Variants in NPSR1 observed in about 807,000 individuals in gnomAD.
The protein encoded by NPSR1 is neuropeptide S receptor 1.
A neutral mutation model predicts 46.9 loss-of-function variants in NPSR1; 48 were observed. The observed-to-expected ratio is 1.02, with a 90% CI of 0.81 to 1.30. The LOEUF (loss-of-function observed/expected upper bound fraction) is 1.30, where lower values mean the gene tolerates loss of function less well. Ranked by LOEUF, NPSR1 falls within the 50% of genes most tolerant of loss-of-function variation. The probability of loss-of-function intolerance (pLI) is 0.00; values close to 1 mark genes in which losing one functional copy is unlikely to be tolerated. For missense variants in NPSR1, 450 were observed against 449.5 expected (o/e 1.00, Z -0.01); for synonymous variants, 176 against 168.1 (o/e 1.05, Z -0.36).
chr7:34,731,493 AC>A (rs1189539097), intron 2 of NPSR1, among the ~76,000 whole-genome samples: 3 of 148,680 alleles, frequency 2.0e-5, no homozygotes, highest in Non-Finnish European at 4.6e-5. Context: ...ATTTAAAAGT[AC>A]CCCTGGGTTA....
intron 3 of NPSR1, among the ~76,000 whole-genome samples, chr7:34,801,813 GCCCC>G: frequency 6.8e-6 from 1 of 146,732 alleles, no homozygotes; most frequent in Non-Finnish European, 1.5e-5. Context: ...TGTATATCTA[GCCCC>G]ATCATCTCAG....
intron 6 of NPSR1, among the ~76,000 whole-genome samples, chr7:34,838,520 A>T (rs1790455670): frequency 6.6e-6 from 1 of 152,116 alleles, no homozygotes. Context: ...TTGGCAGGTA[A>T]ATCGGATCTC....
chr7:34,801,744 A>C (rs1367716418), intron 3 of NPSR1, among the ~76,000 whole-genome samples: 1 of 148,382 alleles, frequency 6.7e-6, no homozygotes, highest in African/African-American at 2.6e-5. Context: ...GAAGGAAATA[A>C]AGAGTATTCA....
At chr7:34,706,608 T>C (rs979829536) in intron 2 of NPSR1, among the ~76,000 whole-genome samples, 1 of 152,194 alleles carries the variant, frequency 6.6e-6, no homozygotes, top group Non-Finnish European at 1.5e-5. Flanking sequence ...TTCTGTCAGC[T>C]TCTTGGTGTT....
chr7:34,829,617 C>T (rs1385276812), intron 5 of NPSR1, among the ~76,000 whole-genome samples: 1 of 152,146 alleles, frequency 6.6e-6, no homozygotes, highest in Non-Finnish European at 1.5e-5. Context: ...GTCAAAGTCC[C>T]CGCTCAGCAG....
intron 2 of NPSR1, chr7:34,761,273 C>G (rs1407274144): frequency 6.6e-6 from 1 of 152,316 alleles, no homozygotes; most frequent in Non-Finnish European, 1.5e-5. Context: ...TCTGGCAGCT[C>G]AGGAATCCTT....
intron 5 of NPSR1, among the ~76,000 whole-genome samples, chr7:34,828,453 G>A (rs1008414615): frequency 6.6e-6 from 1 of 152,234 alleles, no homozygotes; most frequent in Non-Finnish European, 1.5e-5. Flanking sequence ...GGTCAAGGTA[G>A]GGTCTCACTT....
intron 3 of NPSR1, among the ~76,000 whole-genome samples, chr7:34,788,201 C>A (rs544370328): frequency 6.6e-6 from 1 of 151,854 alleles, no homozygotes; most frequent in Non-Finnish European, 1.5e-5. Context: ...ATTTTAAAAT[C>A]GCTCGTTATA....
chr7:34,814,048 T>C (rs1444988007), intron 4 of NPSR1, among the ~76,000 whole-genome samples: 2 of 152,212 alleles, frequency 1.3e-5, no homozygotes, highest in Non-Finnish European at 2.9e-5. Context: ...TTCATCTCAC[T>C]GGGACTGGTT....
At chr7:34,759,361 C>T (rs1786041105) in intron 2 of NPSR1, among the ~76,000 whole-genome samples, 1 of 152,136 alleles carries the variant, frequency 6.6e-6, no homozygotes, top group Non-Finnish European at 1.5e-5. Context: ...TCCCTTCTCT[C>T]CCATTTTTAA....
intron 6 of NPSR1, among the ~76,000 whole-genome samples, chr7:34,844,283 A>G (rs540929619): frequency 1.3e-5 from 2 of 152,284 alleles, no homozygotes; most frequent in African/African-American, 4.8e-5. Flanking sequence ...CAGGAGTGCG[A>G]AAAACAAAGC....
intron 3 of NPSR1, 129 bp from the exon 4 acceptor site, chr7:34,811,641 T>G (rs1788990942): frequency 3.3e-6 from 2 of 601,972 alleles, no homozygotes; most frequent in Non-Finnish European, 5.8e-6. Context: ...TTTCCCTTCC[T>G]AATCCAACAC....
chr7:34,846,073 G>A (rs947113635), intron 7 of NPSR1, among the ~76,000 whole-genome samples: 4 of 152,126 alleles, frequency 2.6e-5, no homozygotes, highest in Admixed American at 6.5e-5. Context: ...CACTGCAGGC[G>A]GAACTGGGAT....
intron 4 of NPSR1, among the ~76,000 whole-genome samples, chr7:34,813,515 T>C (rs17789456): frequency 0.12 from 18,683 of 152,200 alleles, 1,442 homozygotes; most frequent in Non-Finnish European, 0.17. Context: ...GGCAGTAATA[T>C]GCATCAACAT....
At chr7:34,735,480 G>A (rs927467831) in intron 2 of NPSR1, among the ~76,000 whole-genome samples, 3 of 152,194 alleles carry the variant, frequency 2.0e-5, no homozygotes, top group Non-Finnish European at 4.4e-5. Context: ...ATCAATATAT[G>A]TTTGGAAATA....
intron 8 of NPSR1, among the ~76,000 whole-genome samples, chr7:34,868,107 G>T (rs1392603641): frequency 6.6e-6 from 1 of 151,798 alleles, no homozygotes; most frequent in African/African-American, 2.4e-5. Flanking sequence ...AGAGTGGACT[G>T]TTATTAAATA....
chr7:34,794,513 A>T (rs1292830963), intron 3 of NPSR1, among the ~76,000 whole-genome samples: 1 of 152,180 alleles, frequency 6.6e-6, no homozygotes, highest in Admixed American at 6.6e-5. Flanking sequence ...CAATCTAAAT[A>T]CTGTTAATTG....
At chr7:34,679,310 A>G (rs1309102663) in intron 1 of NPSR1, among the ~76,000 whole-genome samples, 1 of 152,212 alleles carries the variant, frequency 6.6e-6, no homozygotes, top group Non-Finnish European at 1.5e-5. Context: ...AAAAACAAAA[A>G]TTATATTCTA....
At chr7:34,814,003 C>A (rs1015883474) in intron 4 of NPSR1, among the ~76,000 whole-genome samples, 1 of 152,188 alleles carries the variant, frequency 6.6e-6, no homozygotes, top group African/African-American at 2.4e-5. Context: ...ATGCAGAAGA[C>A]AGGTGATTTC....
Sources: gnomAD v4.1 joint callset for allele counts (sites outside exome capture counted in the v4.1 genomes callset) on GRCh38, gnomAD v4.1.1 for gene constraint, MANE v1.5 for transcripts, NCBI Gene and HGNC (gene_info 2026-07-23, HGNC 2026-07-21) for gene names.